Variants in TMEM132B observed in about 807,000 individuals in gnomAD.
The protein encoded by TMEM132B is transmembrane protein 132B.
TMEM132B carries 18 observed loss-of-function variants against 90.8 expected under a neutral mutation model. The ratio of observed to expected loss-of-function variants is 0.20; its 90% confidence interval spans 0.14 to 0.29. TMEM132B has a LOEUF of 0.29. Ranked by LOEUF, TMEM132B falls within the 10% of genes least tolerant of loss-of-function variation. The pLI, the probability that TMEM132B is intolerant of heterozygous loss-of-function variation, is 1.00. For synonymous variants in TMEM132B, 504 were observed against 523.3 expected, an observed-to-expected ratio of 0.96 and a Z score of 0.50; for missense variants, 1,096 against 1,326.8, an observed-to-expected ratio of 0.83 and a Z score of 2.70.
intron 3 of TMEM132B, among the ~76,000 whole-genome samples, chr12:125,514,223 A>G (rs1424019561): frequency 6.6e-6 from 1 of 152,074 alleles, no homozygotes; most frequent in African/African-American, 2.4e-5. Flanking sequence ...AACGAGTTTT[A>G]CAGGGTATCC....
intron 3 of TMEM132B, among the ~76,000 whole-genome samples, chr12:125,453,342 G>A (rs758881926): frequency 5.3e-5 from 8 of 152,086 alleles, no homozygotes; most frequent in Non-Finnish European, 1.0e-4. Flanking sequence ...GAATGGTGAC[G>A]GATGCTGGGC....
At chr12:125,329,818 A>T (rs1170330832) in intron 1 of TMEM132B, among the ~76,000 whole-genome samples, 1 of 152,186 alleles carries the variant, frequency 6.6e-6, no homozygotes, top group African/African-American at 2.4e-5. Flanking sequence ...GACTAGAGAG[A>T]TTTTCCCCAT....
chr12:125,330,395 A>G (rs1345631529), intron 1 of TMEM132B, among the ~76,000 whole-genome samples: 1 of 143,910 alleles, frequency 6.9e-6, no homozygotes, highest in Non-Finnish European at 1.5e-5. Context: ...TATGGTTGAC[A>G]TTTTTCATGC....
intron 1 of TMEM132B, among the ~76,000 whole-genome samples, chr12:125,325,985 C>T (rs1196833680): frequency 6.6e-6 from 1 of 152,068 alleles, no homozygotes; most frequent in East Asian, 1.9e-4. Flanking sequence ...TGGTGTTGAC[C>T]CCACTCCAGG....
At chr12:125,288,685 T>C (rs1230681252) in intron 1 of TMEM132B, among the ~76,000 whole-genome samples, 1 of 152,082 alleles carries the variant, frequency 6.6e-6, no homozygotes, top group Non-Finnish European at 1.5e-5. Flanking sequence ...AAATAGTTTT[T>C]TGTTGCAGGG....
At chr12:125,489,579 A>C (rs973840445) in intron 3 of TMEM132B, among the ~76,000 whole-genome samples, 6 of 151,592 alleles carry the variant, frequency 4.0e-5, no homozygotes, top group African/African-American at 1.5e-4. Flanking sequence ...GCTAATTTTA[A>C]TTTTTTTCTT....
intron 1 of TMEM132B, among the ~76,000 whole-genome samples, chr12:125,205,433 T>A (rs556129116): frequency 6.6e-6 from 1 of 152,094 alleles, no homozygotes; most frequent in Admixed American, 6.5e-5. Flanking sequence ...CAATGAGGGC[T>A]CCATGTGTCA....
chr12:125,235,743 C>T (rs1388358669), intron 1 of TMEM132B, among the ~76,000 whole-genome samples: 2 of 150,956 alleles, frequency 1.3e-5, no homozygotes, highest in African/African-American at 4.9e-5. Flanking sequence ...TGGCTTCTTT[C>T]ACATAACATA....
chr12:125,621,434 G>C (rs1160347846), intron 5 of TMEM132B, among the ~76,000 whole-genome samples: 1 of 152,166 alleles, frequency 6.6e-6, no homozygotes, highest in African/African-American at 2.4e-5. Flanking sequence ...GTTGGTGGGA[G>C]TATGGGAGCG....
At chr12:125,478,786 A>G (rs1424891104) in intron 3 of TMEM132B, among the ~76,000 whole-genome samples, 1 of 152,218 alleles carries the variant, frequency 6.6e-6, no homozygotes, top group Non-Finnish European at 1.5e-5. Context: ...CCTTGAGAAG[A>G]GCAACCCCAA....
intron 1 of TMEM132B, among the ~76,000 whole-genome samples, chr12:125,228,657 G>C (rs1873738350): frequency 6.6e-6 from 1 of 152,184 alleles, no homozygotes; most frequent in Admixed American, 6.5e-5. Flanking sequence ...CATGGTGCAT[G>C]GAGGGTTGGA....
At chr12:125,639,218 T>G (rs2137015991) in intron 5 of TMEM132B, among the ~76,000 whole-genome samples, 1 of 152,360 alleles carries the variant, frequency 6.6e-6, no homozygotes. Context: ...TAATTCTGAG[T>G]TAAAAGGCCA....
Position 125,576,530 on chromosome 12 carries a change from T to C in TMEM132B, c.1294-7321T>C, listed in dbSNP as rs1593002145. On this transcript the variant is annotated intron_variant, in intron 4 of 8. Transcript: ENST00000682704. Reference sequence around the variant, plus strand: ...CAACACTGGATAGAAGTGGTGAGAGTCATCTTTGTCTCGTTCCTGATCTTA... The same window carrying C: ...CAACACTGGATAGAAGTGGTGAGAGCCATCTTTGTCTCGTTCCTGATCTTA... Among the ~76,000 whole-genome samples the C allele has an allele frequency of 1.5e-5, 2 of 134,084 alleles. 1 individual carries two copies. The highest frequency in any genetic ancestry group is 4.8e-4 in the South Asian group (2 of 4,156). 88.0% of individuals were successfully genotyped at this position (134,084 alleles called of 152,430 possible).
chr12:125,561,699 A>G (rs947237596), intron 4 of TMEM132B, among the ~76,000 whole-genome samples: 5 of 151,814 alleles, frequency 3.3e-5, no homozygotes, highest in African/African-American at 1.2e-4. Context: ...ATAGTTTTAG[A>G]GGAATCTTTT....
intron 3 of TMEM132B, among the ~76,000 whole-genome samples, chr12:125,437,849 C>T (rs1593147182): frequency 1.3e-5 from 2 of 152,242 alleles, no homozygotes; most frequent in East Asian, 3.9e-4. Flanking sequence ...GGGTTTTCCT[C>T]TTGGGGTGAC....
chr12:125,224,525 C>T (rs979114001), intron 1 of TMEM132B, among the ~76,000 whole-genome samples: 2 of 152,224 alleles, frequency 1.3e-5, no homozygotes, highest in African/African-American at 2.4e-5. Context: ...CCATTGTCCT[C>T]AGGTGGGTGA....
intron 2 of TMEM132B, among the ~76,000 whole-genome samples, chr12:125,393,984 A>G (rs1413865983): frequency 1.3e-5 from 2 of 152,224 alleles, no homozygotes; most frequent in Admixed American, 1.3e-4. Flanking sequence ...CATAGCTTTC[A>G]GCCTCTAATG....
chr12:125,543,413 G>T (rs924263514), intron 4 of TMEM132B, among the ~76,000 whole-genome samples: 1 of 152,128 alleles, frequency 6.6e-6, no homozygotes, highest in African/African-American at 2.4e-5. Flanking sequence ...CATCGTTTTA[G>T]GTCTTATAAG....
At chr12:125,507,199 T>C (rs1207037957) in intron 3 of TMEM132B, among the ~76,000 whole-genome samples, 1 of 152,216 alleles carries the variant, frequency 6.6e-6, no homozygotes, top group African/African-American at 2.4e-5. Context: ...GGTGTCATGT[T>C]GAAGTGTCTT....
Sources: allele counts gnomAD v4.1 joint callset (sites outside exome capture counted in the v4.1 genomes callset), GRCh38; gene constraint gnomAD v4.1.1; transcripts MANE v1.5; gene names NCBI Gene and HGNC (gene_info 2026-07-23, HGNC 2026-07-21).